The following ARHGAP24 variants were observed in gnomAD, a reference collection of about 807,000 sequenced individuals.
ARHGAP24 encodes rho GTPase-activating protein 24.
ARHGAP24 carries 50 observed loss-of-function variants against 76.4 expected under a neutral mutation model. The ratio of observed to expected loss-of-function variants is 0.65; its 90% CI spans 0.52 to 0.83. The LOEUF (loss-of-function observed/expected upper bound fraction) is 0.83, where lower values mean the gene tolerates loss of function less well. ARHGAP24 is among the 40% of genes least tolerant of loss of function. The pLI, the probability that ARHGAP24 is intolerant of heterozygous loss-of-function variation, is 0.00. For synonymous variants in ARHGAP24, 345 were observed against 323.3 expected, an observed-to-expected ratio of 1.07 and a Z score of -0.72; for missense variants, 930 against 914.2, an observed-to-expected ratio of 1.02 and a Z score of -0.22.
intron 8 of ARHGAP24, among the ~76,000 whole-genome samples, chr4:85,981,765 G>T (rs981041754): frequency 2.0e-5 from 3 of 152,024 alleles, no homozygotes; most frequent in African/African-American, 7.2e-5. Flanking sequence ...AGTCCTGGCT[G>T]GTCAGTGTGG....
intron 1 of ARHGAP24, among the ~76,000 whole-genome samples, chr4:85,528,813 T>C (rs1441210312): frequency 6.6e-6 from 1 of 152,098 alleles, no homozygotes; most frequent in Non-Finnish European, 1.5e-5. Context: ...GAACTACTTG[T>C]TTCTGTTGAT....
intron 1 of ARHGAP24, among the ~76,000 whole-genome samples, chr4:85,524,447 GATA>G (rs941624622): frequency 6.6e-6 from 1 of 152,030 alleles, no homozygotes; most frequent in Non-Finnish European, 1.5e-5. Flanking sequence ...GAACTATAGA[GATA>G]ATAATAATAA....
intron 3 of ARHGAP24, among the ~76,000 whole-genome samples, chr4:85,814,178 T>A (rs1729137342): frequency 6.6e-6 from 1 of 152,040 alleles, no homozygotes; most frequent in African/African-American, 2.4e-5. Flanking sequence ...GGAATACAAT[T>A]CAAGATGAGA....
chr4:85,829,348 G>C (rs569509685), intron 3 of ARHGAP24, among the ~76,000 whole-genome samples: 1 of 152,056 alleles, frequency 6.6e-6, no homozygotes, highest in Admixed American at 6.6e-5. Context: ...AAAATTATCT[G>C]TCCCACTTTT....
At chr4:85,902,042 T>C (rs1277222557) in intron 3 of ARHGAP24, among the ~76,000 whole-genome samples, 1 of 152,204 alleles carries the variant, frequency 6.6e-6, no homozygotes, top group African/African-American at 2.4e-5. Flanking sequence ...GTTCTCATTG[T>C]TCAGCTCCCA....
chr4:85,565,967 A>G (rs1337390543), intron 1 of ARHGAP24, among the ~76,000 whole-genome samples: 1 of 152,198 alleles, frequency 6.6e-6, no homozygotes, highest in Non-Finnish European at 1.5e-5. Context: ...ACAAAGAACC[A>G]TACAAACAGT....
intron 5 of ARHGAP24, among the ~76,000 whole-genome samples, chr4:85,964,588 G>T (rs1387948406): frequency 3.3e-5 from 5 of 152,074 alleles, no homozygotes; most frequent in African/African-American, 1.2e-4. Flanking sequence ...AGGCAAGGAG[G>T]TGGAAGGGAA....
intron 2 of ARHGAP24, among the ~76,000 whole-genome samples, chr4:85,624,756 T>C (rs1002348630): frequency 6.6e-6 from 1 of 152,166 alleles, no homozygotes; most frequent in East Asian, 1.9e-4. Flanking sequence ...TCAGAGCCTG[T>C]TATTGGTCTA....
intron 5 of ARHGAP24, among the ~76,000 whole-genome samples, chr4:85,944,539 G>C (rs1015543483): frequency 6.6e-6 from 1 of 152,134 alleles, no homozygotes; most frequent in African/African-American, 2.4e-5. Context: ...GCTGATGATA[G>C]TTTCTTTTGT....
At chr4:85,495,417 C>A (rs1723534731) in intron 1 of ARHGAP24, among the ~76,000 whole-genome samples, 2 of 126,612 alleles carry the variant, frequency 1.6e-5, no homozygotes, top group Non-Finnish European at 1.6e-5. Context: ...GTGGCGCGAT[C>A]TCGGCTCACT....
In ARHGAP24 at chr4:86,002,573, C is replaced by T. The variant is rs1741074326; in HGVS notation, c.*1851C>T. 6.6e-6 allele frequency: 1 copy of T among 152,048 alleles called. No individual in the cohort carries two copies. The allele number at this position is 152,048 out of a possible 1,614,324, so 9.4% of individuals were successfully genotyped here. On this transcript the variant is annotated 3_prime_UTR_variant, in exon 10 of 10. Transcript: ENST00000395184. The stretch of plus-strand genomic sequence containing the variant: ...CAAAGATATTCAAACTGCTTGGGTT[C>T]AAATGGTATACAATTTGCCAGCTGT...
chr4:85,777,892 A>G (rs1727367114), intron 3 of ARHGAP24, among the ~76,000 whole-genome samples: 1 of 152,204 alleles, frequency 6.6e-6, no homozygotes, highest in South Asian at 2.1e-4. Flanking sequence ...TAGGAAATAC[A>G]TGAAAGACAC....
At chr4:85,775,980 G>A (rs992692840) in intron 3 of ARHGAP24, among the ~76,000 whole-genome samples, 2 of 152,142 alleles carry the variant, frequency 1.3e-5, no homozygotes, top group Non-Finnish European at 2.9e-5. Flanking sequence ...ACTGTGAGAG[G>A]TGTACGTATG....
intron 3 of ARHGAP24, among the ~76,000 whole-genome samples, chr4:85,818,922 T>A (rs75544922): frequency 6.6e-6 from 1 of 152,144 alleles, no homozygotes; most frequent in African/African-American, 2.4e-5. Context: ...TCTCCCAAGA[T>A]GTCACAGCAA....
intron 1 of ARHGAP24, among the ~76,000 whole-genome samples, chr4:85,556,106 G>T (rs1726351441): frequency 6.6e-6 from 1 of 152,092 alleles, no homozygotes; most frequent in African/African-American, 2.4e-5. Flanking sequence ...GACTGCAACT[G>T]CTGGCCCAAG....
chr4:85,707,589 C>T (rs1724366709), intron 2 of ARHGAP24, among the ~76,000 whole-genome samples: 1 of 152,012 alleles, frequency 6.6e-6, no homozygotes, highest in South Asian at 2.1e-4. Flanking sequence ...GCAGGGATCC[C>T]TTATAGATTT....
chr4:85,705,778 T>C (rs1724287328), intron 2 of ARHGAP24, among the ~76,000 whole-genome samples: 1 of 152,202 alleles, frequency 6.6e-6, no homozygotes, highest in African/African-American at 2.4e-5. Flanking sequence ...AGAATTCATG[T>C]TTTTATTCTC....
At chr4:85,954,496 C>T (rs1051687101) in intron 5 of ARHGAP24, among the ~76,000 whole-genome samples, 7 of 152,170 alleles carry the variant, frequency 4.6e-5, no homozygotes, top group Non-Finnish European at 1.0e-4. Flanking sequence ...CAACAGCTGG[C>T]GTATAGTATG....
At chr4:85,707,768 C>A (rs1185925647) in intron 2 of ARHGAP24, among the ~76,000 whole-genome samples, 1 of 152,070 alleles carries the variant, frequency 6.6e-6, no homozygotes, top group Non-Finnish European at 1.5e-5. Context: ...ACTGATGTCT[C>A]CGGCACAAGA....
Sources: allele counts gnomAD v4.1 joint callset (sites outside exome capture counted in the v4.1 genomes callset), GRCh38; gene constraint gnomAD v4.1.1; transcripts MANE v1.5; gene names NCBI Gene and HGNC (gene_info 2026-07-23, HGNC 2026-07-21).